The following NACA variants were observed in gnomAD, a reference collection of about 807,000 sequenced individuals.
NACA encodes nascent polypeptide associated complex subunit alpha, also known as nascent polypeptide-associated complex subunit alpha.
In NACA, 42 loss-of-function variants were observed where a neutral mutation model predicts 86.4. The ratio of observed to expected loss-of-function variants is 0.49; its 90% CI spans 0.38 to 0.63. The LOEUF is 0.63. Among genes scored for constraint, NACA ranks in the 20% least tolerant of loss-of-function variants. The pLI is 0.00. For synonymous variants in NACA, 898 were observed against 973.7 expected (o/e 0.92, Z 1.45); for missense variants, 2,157 against 2,483.6 (o/e 0.87, Z 2.80).
chr12:56,723,413 G>A (rs780002147), intron 2 of NACA, among the ~76,000 whole-genome samples: 5 of 152,044 alleles, frequency 3.3e-5, no homozygotes, highest in African/African-American at 4.8e-5. Flanking sequence ...CTAAAATCTC[G>A]TTTTGTACTG....
At chr12:56,712,725 TAA>T in intron 8 of NACA, 59 bp downstream of exon 8, 1 of 1,609,322 alleles carries the variant, frequency 6.2e-7, no homozygotes, top group South Asian at 1.1e-5. Context: ...CAAGACAAAA[TAA>T]AGTCACTCAT....
In NACA at chr12:56,716,174, C is replaced by G. The variant is rs1337102666; in HGVS notation, c.5356G>C (p.Glu1786Gln). 2 of 1,613,514 alleles carry G rather than the reference C, an allele frequency of 1.2e-6. No homozygotes were observed. Among genetic ancestry groups the G allele is most frequent in the Non-Finnish European group, 1.7e-6 (2 of 1,179,838 alleles). Residue 1786 changes from glutamate (E) to glutamine (Q), a missense_variant, in exon 3 of 9, where the codon GAA becomes CAA. Physicochemically the swap from Glu to Gln is conservative, Grantham distance 29 (BLOSUM62 2). Transcript: ENST00000454682. Reference sequence around the variant, plus strand: ...GGTGCTGCAGAGACAGATGCTGATTCAGGTTTAGGAAGGACCTTCTCAAAG... The same window carrying G: ...GGTGCTGCAGAGACAGATGCTGATTGAGGTTTAGGAAGGACCTTCTCAAAG... ...AAFEKVLPKP[E>Q]SASVSAAPSP...
chr12:56,718,875 G>T lies in NACA; in HGVS notation c.2655C>A (p.Thr885=), dbSNP rs369567341. ...PKGVTLPPKE[T]PTPSVVNLPF... is the part of the protein sequence containing the mutation. Reference sequence around the variant, plus strand: ...GCAGATTCACCACTGAAGGAGTGGGGGTCTCTTTGGGGGGTAGTGTTACTC... The same window carrying T: ...GCAGATTCACCACTGAAGGAGTGGGTGTCTCTTTGGGGGGTAGTGTTACTC... The change falls in exon 3 of 9, where the codon ACC becomes ACA. Residue 885 remains threonine (T), a synonymous_variant. Transcript: ENST00000454682. 4.2e-6 allele frequency: 6 copies of T among 1,420,280 alleles called. No homozygotes were observed. Among genetic ancestry groups the T allele is most frequent in the African/African-American group, 1.5e-5 (1 of 68,422 alleles). 88.0% of individuals were successfully genotyped at this position (1,420,280 alleles called of 1,614,324 possible).
intron 2 of NACA, among the ~76,000 whole-genome samples, chr12:56,723,142 G>A (rs1953619172): frequency 6.6e-6 from 1 of 152,126 alleles, no homozygotes; most frequent in East Asian, 1.9e-4. Context: ...TACTTGCTTT[G>A]ACACCATCAA....
At chr12:56,723,642 A>T (rs1953632545) in intron 2 of NACA, among the ~76,000 whole-genome samples, 1 of 152,190 alleles carries the variant, frequency 6.6e-6, no homozygotes, top group Non-Finnish European at 1.5e-5. Context: ...AAGGGACAGG[A>T]ATTGCCCTTA....
Position 56,718,995 on chromosome 12 carries a change from G to C in NACA, c.2535C>G (p.Gly845=). Residue 845 remains glycine, a synonymous_variant, in exon 3 of 9, where the codon GGC becomes GGG. Coordinates refer to ENST00000454682, the MANE Select transcript of NACA (RefSeq NM_001365896.1). ...FLPENSLSFQ[G]SKDSPATTHS... ...GCGTCGTGGCTGGTGAGTCTTTAGA[G>C]CCTTGGAAAGAAAGACTATTCTCTG... 1 of 1,447,582 alleles carries C rather than the reference G, an allele frequency of 6.9e-7. No individual in the cohort carries two copies. The highest frequency in any genetic ancestry group is 1.1e-5 in the South Asian group (1 of 88,694). The allele number at this position is 1,447,582 out of a possible 1,614,324, so 89.7% of individuals were successfully genotyped here. A position where few individuals can be genotyped will look rare whatever the true frequency, so the allele number is the denominator to read the frequency against.
In NACA at chr12:56,719,016, C is replaced by T. The variant is rs925455061; in HGVS notation, c.2514G>A (p.Glu838=). 6.9e-7 allele frequency: 1 copy of T among 1,447,702 alleles called. No individual in the cohort carries two copies. The highest frequency in any genetic ancestry group is 9.3e-7 in the Non-Finnish European group (1 of 1,071,494). 89.7% of individuals were successfully genotyped at this position (1,447,702 alleles called of 1,614,324 possible). A position where few individuals can be genotyped will look rare whatever the true frequency, so the allele number is the denominator to read the frequency against. ...TAGAGCCTTGGAAAGAAAGACTATT[C>T]TCTGGAAGAAATGAAGCTTCAACTG... The part of the protein sequence containing the change: ...VSPVEASFLP[E]NSLSFQGSKD... Residue 838 remains glutamate, a synonymous_variant, in exon 3 of 9, where the codon GAG becomes GAA. Transcript: ENST00000454682.
rs1305833408 is a variant in NACA at position 56,720,205 on chromosome 12, A to C, written c.1325T>G (p.Val442Gly). 1 of 1,614,018 alleles carries C rather than the reference A, an allele frequency of 6.2e-7. No individual in the cohort carries two copies. Among genetic ancestry groups the C allele is most frequent in the African/African-American group, 1.3e-5 (1 of 75,044 alleles). The change falls in exon 3 of 9, where the codon GTG (valine) becomes GGG (glycine). Residue 442 changes from valine to glycine, a missense_variant. By Grantham distance (109) the Val-to-Gly change is moderately radical. This residue lies in a region of NACA where 947 missense variants were observed against 917.9 expected (regional missense o/e 1.03). Coordinates refer to ENST00000454682, the MANE Select transcript of NACA (RefSeq NM_001365896.1). ...PVSSVGTTPL[V>G]VTNPCTIAAA... ...AGCAATTGTACAGGGGTTAGTCACC[A>C]CAAGTGGGGTGGTTCCAACAGAAGA... is the stretch of plus-strand genomic sequence containing the variant.
rs1421305045 is a variant in NACA, at chr12:56,720,570, G to A, written c.960C>T (p.Val320=). 3 of 1,613,854 alleles carry A rather than the reference G, an allele frequency of 1.9e-6. No individual in the cohort carries two copies. The African/African-American group carries it at 4.0e-5, about 22-fold the overall frequency. The change falls in exon 3 of 9, where the codon GTC becomes GTT. Residue 320 remains valine (V), a synonymous_variant. Coordinates refer to ENST00000454682, the MANE Select transcript of NACA (RefSeq NM_001365896.1). The stretch of plus-strand genomic sequence containing the variant: ...TAGGACCTGTTTGACCTAAAAGTTG[G>A]ACAGAACCAAAAGAACTCTGATGTA... ...APLHQSSFGS[V]QLLGQTGPSA...
chr12:56,721,100 G>T lies in NACA; in HGVS notation c.430C>A (p.Pro144Thr). 1.2e-6 allele frequency: 2 copies of T among 1,613,916 alleles called. No individual in the cohort carries two copies. Among genetic ancestry groups the T allele is most frequent in the Non-Finnish European group, 1.7e-6 (2 of 1,179,854 alleles). The change falls in exon 3 of 9, where the codon CCC becomes ACC. Residue 144 changes from proline to threonine, a missense_variant. By Grantham distance (38) the Pro-to-Thr change is conservative. This residue lies in a region of NACA where 947 missense variants were observed against 917.9 expected (regional missense o/e 1.03). Coordinates refer to ENST00000454682, the MANE Select transcript of NACA (RefSeq NM_001365896.1). ...SAPLALVALA[P>T]HSVQKSSAFP... ...GCAGAACTCTTCTGAACTGAGTGGG[G>T]AGCCAGGGCAACCAGAGCTAAGGGA...
chr12:56,724,817 A>G (rs1953669776), intron 1 of NACA: 2 of 383,956 alleles, frequency 5.2e-6, no homozygotes, highest in Non-Finnish European at 4.8e-6. Flanking sequence ...CTCCACTCCT[A>G]ATACTCACAC....
In NACA at chr12:56,719,129, C is replaced by T. The variant is rs767530631; in HGVS notation, c.2401G>A (p.Val801Met). The change falls in exon 3 of 9, where the codon GTG becomes ATG. Residue 801 changes from valine (V) to methionine (M), a missense_variant. This residue lies in a region of NACA where 174 missense variants were observed against 217.0 expected (regional missense o/e 0.80). Transcript: ENST00000454682. Reference sequence around the variant, plus strand: ...GGAGGTCTTTTAGTCTGAGGAGACACACTAACCCCTAAAGGAGATGGGGAA... The same window carrying T: ...GGAGGTCTTTTAGTCTGAGGAGACATACTAACCCCTAAAGGAGATGGGGAA... ...ADSPSPLGVS[V>M]SPQTKRPPTK... 2 of 1,456,768 alleles carry T rather than the reference C, an allele frequency of 1.4e-6. No individual in the cohort carries two copies. The highest frequency in any genetic ancestry group is 1.9e-4 in the Middle Eastern group (1 of 5,286). The allele number at this position is 1,456,768 out of a possible 1,614,324, so 90.2% of individuals were successfully genotyped here. A position where few individuals can be genotyped will look rare whatever the true frequency, so the allele number is the denominator to read the frequency against.
rs1953424390 is a variant in NACA at position 56,717,735 on chromosome 12, AGTGGGGGCCCCTTTGGGGG to A, written c.3776_3794del (p.Pro1259LeufsTer10). The A allele has an allele frequency of 1.0e-6, 1 of 958,180 alleles. No homozygotes were observed. Among genetic ancestry groups the A allele is most frequent in the Non-Finnish European group, 1.2e-6 (1 of 820,820 alleles). The allele number at this position is 958,180 out of a possible 1,614,324, so 59.4% of individuals were successfully genotyped here. On this transcript the variant is annotated frameshift_variant, in exon 3 of 9. Coordinates refer to ENST00000454682, the MANE Select transcript of NACA (RefSeq NM_001365896.1). LOFTEE classifies it high-confidence loss of function. ...GGGAGGGAGGAGTTGCAGCTGGGGG[AGTGGGGGCCCCTTTGGGGG>A]GTGGGGTAGCTGGGCCTCCTTTTGG...
In NACA at chr12:56,717,412, G is replaced by A; in HGVS notation, c.4118C>T (p.Ala1373Val). 7.3e-7 allele frequency: 1 copy of A among 1,372,634 alleles called. No individual in the cohort carries two copies. The highest frequency in any genetic ancestry group is 9.6e-7 in the Non-Finnish European group (1 of 1,039,234). The allele number at this position is 1,372,634 out of a possible 1,614,324, so 85.0% of individuals were successfully genotyped here. The change falls in exon 3 of 9, where the codon GCT (alanine) becomes GTT (valine). Residue 1373 changes from alanine to valine, a missense_variant. Physicochemically the swap from Ala to Val is moderately conservative, Grantham distance 64. Transcript: ENST00000454682. ...PSSKEGPTPPAATPSHKGGPA... is the reference protein window; with the variant it reads ...PSSKEGPTPPVATPSHKGGPA... ...ACCTCCTTTGTGGGAGGGGGTTGCA[G>A]CTGGGGGAGTGGGGCCCTCTTTGGA...
At chr12:56,715,433 T>C (rs952889890) in intron 3 of NACA, among the ~76,000 whole-genome samples, 2 of 152,162 alleles carry the variant, frequency 1.3e-5, no homozygotes, top group Non-Finnish European at 1.5e-5. Context: ...CAACTGGTCA[T>C]TACTAAGTCT....
rs753411607 is a variant in NACA, at chr12:56,716,984, C to A, written c.4546G>T (p.Val1516Phe). Residue 1516 changes from valine (V) to phenylalanine (F), a missense_variant, in exon 3 of 9, where the codon GTC becomes TTC. This residue lies in a region of NACA where 797 missense variants were observed against 777.6 expected (regional missense o/e 1.02). Transcript: ENST00000454682. ...CTTCTGGAGGATGGGGTAGCTGGGACCTCTTTGGGGGAAGAAGGAATCACA... is the reference window on the plus strand; with the variant it reads ...CTTCTGGAGGATGGGGTAGCTGGGAACTCTTTGGGGGAAGAAGGAATCACA... ...PAVIPSSPKE[V>F]PATPSSRRDP... is the part of the protein sequence containing the mutation. 8.6e-6 allele frequency: 11 copies of A among 1,272,936 alleles called. 1 individual carries two copies. The highest frequency in any genetic ancestry group is 2.2e-4 in the Middle Eastern group (1 of 4,540). 78.9% of individuals were successfully genotyped at this position (1,272,936 alleles called of 1,614,324 possible).
chr12:56,713,770 A>C (rs1200872470), intron 5 of NACA, 87 bp from the exon 6 acceptor site: 2 of 1,335,422 alleles, frequency 1.5e-6, no homozygotes, highest in Non-Finnish European at 2.1e-6. Flanking sequence ...TCCAAAGCAA[A>C]GCCTTTCCCC....
Position 56,716,032 on chromosome 12 carries a change from G to C in NACA, c.5498C>G (p.Ala1833Gly). The change falls in exon 3 of 9, where the codon GCC becomes GGC. Residue 1833 changes from alanine to glycine, a missense_variant. Ala to Gly is a moderately conservative substitution (Grantham distance 60, BLOSUM62 0). Transcript: ENST00000454682. ...CAGCAGCTCATCCTCATCAGCAGGG[G>C]CAAGGGGTTTAGAGGGTGATTCCAA... ...LVLESPSKPL[A>G]PADEDELLPL... is the part of the protein sequence containing the mutation. The C allele has an allele frequency of 6.2e-7, 1 of 1,606,786 alleles. No homozygotes were observed. The highest frequency in any genetic ancestry group is 1.1e-5 in the South Asian group (1 of 90,392).
rs756890334 is a variant in NACA at position 56,717,683 on chromosome 12, G to C, written c.3847C>G (p.His1283Asp). The C allele has an allele frequency of 1.0e-5, 12 of 1,177,454 alleles. No individual in the cohort carries two copies. The South Asian group carries it at 3.1e-4, about 30-fold the overall frequency. 72.9% of individuals were successfully genotyped at this position (1,177,454 alleles called of 1,614,324 possible). Residue 1283 changes from histidine to aspartate, a missense_variant, in exon 3 of 9, where the codon CAC (histidine) becomes GAC (aspartate). His to Asp is a moderately conservative substitution (Grantham distance 81). Transcript: ENST00000454682. ...SLKGGLATPP[H>D]KGAPNPAVVT... ...ACTGCGGGATTGGGGGCCCCTTTGT[G>C]GGGTGGGGTAGCTAGACCTCCTTTT...
Sources: allele counts gnomAD v4.1 joint callset (sites outside exome capture counted in the v4.1 genomes callset), GRCh38; gene constraint gnomAD v4.1.1; regional missense constraint gnomAD v4.1.1; transcripts MANE v1.5; gene names NCBI Gene and HGNC (gene_info 2026-07-23, HGNC 2026-07-21).